Variants in ASPH observed in about 807,000 individuals in gnomAD.
The protein encoded by ASPH is aspartate beta-hydroxylase, also known as aspartyl/asparaginyl beta-hydroxylase.
ASPH carries 100 observed loss-of-function variants against 118.4 expected under a neutral mutation model. That is an observed-to-expected ratio of 0.84 (90% CI 0.72 to 1.00). The LOEUF (loss-of-function observed/expected upper bound fraction) is 1.00, where lower values mean the gene tolerates loss of function less well. Ranked by LOEUF, ASPH falls within the 50% of genes least tolerant of loss-of-function variation. The pLI, the probability that ASPH is intolerant of heterozygous loss-of-function variation, is 0.00. For missense variants in ASPH, 920 were observed against 919.5 expected, an observed-to-expected ratio of 1.00 and a Z score of -0.01; for synonymous variants, 315 against 325.6, an observed-to-expected ratio of 0.97 and a Z score of 0.35.
At chr8:61,575,704 T>C (rs1201248675) in intron 16 of ASPH, among the ~76,000 whole-genome samples, 1 of 152,238 alleles carries the variant, frequency 6.6e-6, no homozygotes, top group African/African-American at 2.4e-5. Flanking sequence ...TATGATGTTT[T>C]GACATCTTAA....
In ASPH at chr8:61,702,434, G is replaced by A. The variant is rs1037330322; in HGVS notation, c.103+11835C>T. On this transcript the variant is annotated intron_variant, in intron 1 of 24. Transcript: ENST00000379454. Reference sequence around the variant, plus strand: ...TGAGTAGCTGGTACTACAGGTGCCCGCCACCACACCCGGCTAATTTTTTTT... The same window carrying A: ...TGAGTAGCTGGTACTACAGGTGCCCACCACCACACCCGGCTAATTTTTTTT... Among the ~76,000 whole-genome samples the A allele has an allele frequency of 7.9e-5, 12 of 151,928 alleles. No individual in the cohort carries two copies. The South Asian group carries it at 1.0e-3, about 13-fold the overall frequency.
intron 6 of ASPH, among the ~76,000 whole-genome samples, chr8:61,646,337 C>T (rs1251537788): frequency 6.6e-6 from 1 of 152,104 alleles, no homozygotes; most frequent in Non-Finnish European, 1.5e-5. Context: ...AAAAAGTTTG[C>T]CAATGCCTGG....
chr8:61,648,386 T>G (rs747377485), intron 5 of ASPH, among the ~76,000 whole-genome samples: 3 of 152,228 alleles, frequency 2.0e-5, no homozygotes, highest in Non-Finnish European at 4.4e-5. Flanking sequence ...CCTATTTATG[T>G]TGATGCTATT....
chr8:61,711,606 C>T (rs1563680896), intron 1 of ASPH, among the ~76,000 whole-genome samples: 1 of 151,620 alleles, frequency 6.6e-6, no homozygotes, highest in Non-Finnish European at 1.5e-5. Flanking sequence ...TTCCAGCTTC[C>T]AAACATCACT....
intron 14 of ASPH, among the ~76,000 whole-genome samples, chr8:61,602,728 A>G (rs1005900301): frequency 1.3e-5 from 2 of 151,260 alleles, no homozygotes; most frequent in Admixed American, 1.3e-4. Flanking sequence ...ACTTGGGATC[A>G]CTGGATATGG....
chr8:61,678,143 T>C (rs1470755623), intron 3 of ASPH, among the ~76,000 whole-genome samples: 1 of 152,092 alleles, frequency 6.6e-6, no homozygotes, highest in Non-Finnish European at 1.5e-5. Context: ...AAGTGCTGAC[T>C]GGCTTCCCTT....
chr8:61,522,310 C>T (rs1217710944), intron 22 of ASPH, among the ~76,000 whole-genome samples: 1 of 152,146 alleles, frequency 6.6e-6, no homozygotes. Flanking sequence ...GACTGAGTGG[C>T]TTAAACAACA....
At position 61,567,038 on chromosome 8, in the gene ASPH, T is replaced by G. The variant is rs1475113006; in HGVS notation, c.1300+130A>C. ...AGATGGTGAGCCTAGGACAGACACA[T>G]TACTTGAAATCAGTTGTAAAACTCA... On this transcript the variant is annotated intron_variant, in intron 17 of 24. Transcript: ENST00000379454. The G allele has an allele frequency of 9.7e-6, 11 of 1,136,976 alleles. No individual in the cohort carries two copies. The East Asian group carries it at 2.9e-4, about 30-fold the overall frequency. The allele number at this position is 1,136,976 out of a possible 1,614,324, so 70.4% of individuals were successfully genotyped here.
intron 20 of ASPH, among the ~76,000 whole-genome samples, chr8:61,551,492 T>G (rs1189336563): frequency 6.6e-6 from 1 of 152,214 alleles, no homozygotes; most frequent in African/African-American, 2.4e-5. Context: ...CTTTTTAAAT[T>G]CAAGAACTGT....
chr8:61,578,446 T>C lies in ASPH; in HGVS notation c.1063-1588A>G, dbSNP rs566935036. ...GTCAACCAGAGCCTACTGAGCCCCC[T>C]TGTCCTGGAGGTGGACCCCAACATC... is the stretch of plus-strand genomic sequence containing the variant. On this transcript the variant is annotated intron_variant, in intron 15 of 24. Coordinates refer to ENST00000379454, the MANE Select transcript of ASPH (RefSeq NM_004318.4). 3.4e-5 allele frequency: 55 copies of C among 1,600,892 alleles called. No homozygotes were observed. In the African/African-American group the frequency reaches 6.3e-4, roughly 18 times the overall value.
At chr8:61,690,958 T>C (rs1234659638) in intron 1 of ASPH, among the ~76,000 whole-genome samples, 3 of 152,172 alleles carry the variant, frequency 2.0e-5, no homozygotes, top group Non-Finnish European at 4.4e-5. Flanking sequence ...CAAAGCTAAA[T>C]GTTAACTACA....
intron 1 of ASPH, chr8:61,684,671 G>A (rs988439525): frequency 1.3e-5 from 2 of 153,170 alleles, no homozygotes; most frequent in African/African-American, 2.4e-5. Context: ...AAGTGAAACA[G>A]CACAATCCAT....
At chr8:61,594,485 G>A (rs185583460) in intron 14 of ASPH, among the ~76,000 whole-genome samples, 4 of 152,284 alleles carry the variant, frequency 2.6e-5, no homozygotes, top group African/African-American at 9.6e-5. Flanking sequence ...TGCTACAGGT[G>A]ATTTTGCTCT....
chr8:61,712,847 A>T (rs928062431), intron 1 of ASPH, among the ~76,000 whole-genome samples: 5 of 152,264 alleles, frequency 3.3e-5, no homozygotes, highest in South Asian at 2.1e-4. Flanking sequence ...GAACGAAGAC[A>T]TGCTTCTCTG....
At chr8:61,601,328 G>A (rs1302273241) in intron 14 of ASPH, among the ~76,000 whole-genome samples, 1 of 151,248 alleles carries the variant, frequency 6.6e-6, no homozygotes, top group East Asian at 1.9e-4. Context: ...GGATCACGAG[G>A]TCAGGAGCTC....
chr8:61,691,926 C>A (rs552412011), intron 1 of ASPH, among the ~76,000 whole-genome samples: 1 of 152,302 alleles, frequency 6.6e-6, no homozygotes, highest in South Asian at 2.1e-4. Context: ...TTCTTCTCCT[C>A]TCTTTACTGG....
chr8:61,670,218 G>C (rs1396680012), intron 3 of ASPH, among the ~76,000 whole-genome samples: 1 of 149,160 alleles, frequency 6.7e-6, no homozygotes, highest in Non-Finnish European at 1.5e-5. Context: ...AACAAAAAGA[G>C]AGTAAAGAAA....
chr8:61,531,414 G>A (rs1817501129), intron 21 of ASPH, among the ~76,000 whole-genome samples: 1 of 152,058 alleles, frequency 6.6e-6, no homozygotes, highest in Admixed American at 6.6e-5. Flanking sequence ...CACACCACAG[G>A]TAAAATTGAA....
At chr8:61,688,448 G>C in intron 1 of ASPH, among the ~76,000 whole-genome samples, 1 of 152,144 alleles carries the variant, frequency 6.6e-6, no homozygotes, top group Non-Finnish European at 1.5e-5. Flanking sequence ...CAAAAGCCGG[G>C]GGAAGGGCAA....
Sources: gnomAD v4.1 joint callset for allele counts (sites outside exome capture counted in the v4.1 genomes callset) on GRCh38, gnomAD v4.1.1 for gene constraint, MANE v1.5 for transcripts, NCBI Gene and HGNC (gene_info 2026-07-23, HGNC 2026-07-21) for gene names.